Variants in ABHD2 observed in about 807,000 individuals in gnomAD.
The protein encoded by ABHD2 is abhydrolase domain containing 2, acylglycerol lipase, also known as monoacylglycerol lipase ABHD2.
A neutral mutation model predicts 48.1 loss-of-function variants in ABHD2; 20 were observed. The observed-to-expected ratio is 0.42, with a 90% CI of 0.29 to 0.60. The LOEUF (loss-of-function observed/expected upper bound fraction) is 0.60. Among genes scored for constraint, ABHD2 ranks in the 20% least tolerant of loss-of-function variants. ABHD2 has a pLI of 0.24. For synonymous variants in ABHD2, 209 were observed against 214.2 expected (o/e 0.98, Z 0.21); for missense variants, 405 against 550.9 (o/e 0.74, Z 2.65).
At chr15:89,055,405 C>T in the ABHD2 span, among the ~76,000 whole-genome samples, 1 of 149,376 alleles carries the variant, frequency 6.7e-6, no homozygotes, top group Non-Finnish European at 1.5e-5. Flanking sequence ...CATCTCACTG[C>T]AACCTCTGCC....
Position 89,100,628 on chromosome 15 carries a change from C to T in ABHD2, c.-107+12065C>T, listed in dbSNP as rs572315740. Among the ~76,000 whole-genome samples, 6 of 152,160 alleles carry T rather than the reference C, an allele frequency of 3.9e-5. No homozygotes were observed. In the East Asian group the frequency reaches 7.7e-4, roughly 20 times the overall value. On this transcript the variant is annotated intron_variant, in intron 1 of 10. Transcript: ENST00000352732. The surrounding 1 kb of genome is among the most constrained non-coding windows in gnomAD (Gnocchi z 4.4). ...CTCACGCCTGTAATCCCAGCACTTT[C>T]GGAGGCTGAGGTGGGTGGATCACGA...
chr15:89,172,682 TTATGTA>T (rs1251533326), intron 5 of ABHD2, among the ~76,000 whole-genome samples: 1 of 152,218 alleles, frequency 6.6e-6, no homozygotes, highest in Non-Finnish European at 1.5e-5. Flanking sequence ...TCTAAGCTGT[TTATGTA>T]TATCACTTTA....
At chr15:89,096,037 A>G (rs1268929561) in intron 1 of ABHD2, among the ~76,000 whole-genome samples, 1 of 152,244 alleles carries the variant, frequency 6.6e-6, no homozygotes, top group East Asian at 1.9e-4. Flanking sequence ...AAGTCAAATG[A>G]TACCACACAG....
intron 5 of ABHD2, among the ~76,000 whole-genome samples, chr15:89,162,512 C>T (rs1283851629): frequency 1.3e-5 from 2 of 152,146 alleles, no homozygotes; most frequent in East Asian, 3.9e-4. Flanking sequence ...TATTCCCACC[C>T]TGAGTGTATG....
intron 4 of ABHD2, among the ~76,000 whole-genome samples, chr15:89,154,166 A>G (rs1321190285): frequency 6.6e-6 from 1 of 152,202 alleles, no homozygotes; most frequent in Non-Finnish European, 1.5e-5. Flanking sequence ...TGTGATCTAC[A>G]GCCTTGAACT....
upstream of ABHD2, among the ~76,000 whole-genome samples, chr15:89,084,642 A>T (rs1160670889): frequency 6.6e-6 from 1 of 152,196 alleles, no homozygotes; most frequent in Non-Finnish European, 1.5e-5. The surrounding 1 kb of genome is among the most constrained non-coding windows in gnomAD (Gnocchi z 4.4). Flanking sequence ...ATTTTCTAAA[A>T]ATCCTGAATC....
At position 89,195,663 on chromosome 15, in the gene ABHD2, A is replaced by G. The variant is rs138896117; in HGVS notation, c.*240A>G. The stretch of plus-strand genomic sequence containing the variant: ...TGTTAGGCATGGTGACAAGTGACAG[A>G]GTTCTTGCCCTCTGTCCAGTTTCAG... On this transcript the variant is annotated 3_prime_UTR_variant, in exon 11 of 11. Coordinates refer to ENST00000352732, the MANE Select transcript of ABHD2 (RefSeq NM_152924.5). This position sits in a 1 kb window ranked among gnomAD's most constrained non-coding sequence, Gnocchi z 5.1. 1.9e-3 allele frequency: 866 copies of G among 463,470 alleles called. 1 individual carries two copies. The highest frequency in any genetic ancestry group is 1.9e-3 in the Non-Finnish European group (498 of 260,730). The allele number at this position is 463,470 out of a possible 1,614,324, so 28.7% of individuals were successfully genotyped here. A position where few individuals can be genotyped will look rare whatever the true frequency, so the allele number is the denominator to read the frequency against.
intron 3 of ABHD2, among the ~76,000 whole-genome samples, chr15:89,133,993 C>T (rs763728564): frequency 5.9e-5 from 9 of 151,926 alleles, no homozygotes; most frequent in South Asian, 2.1e-4. Flanking sequence ...CCTGCCACCA[C>T]GACCGGCTAA....
chr15:89,127,706 C>CATATATATAT lies in ABHD2; in HGVS notation c.194+11189_194+11198dup, dbSNP rs71464446. The stretch of plus-strand genomic sequence containing the variant: ...TCTTCTCAGTGAATATATATATATA[C>CATATATATAT]ATATATATATATACACATATATATA... On this transcript the variant is annotated intron_variant, in intron 3 of 10. Coordinates refer to ENST00000352732, the MANE Select transcript of ABHD2 (RefSeq NM_152924.5). 5.0e-3 allele frequency among the ~76,000 whole-genome samples: 652 copies of CATATATATAT among 129,712 alleles called. 45 individuals carry two copies. Among genetic ancestry groups the CATATATATAT allele is most frequent in the African/African-American group, 0.021 (592 of 27,768 alleles). The allele number at this position is 129,712 out of a possible 152,430, so 85.1% of individuals were successfully genotyped here.
At chr15:89,169,271 C>T (rs1051393645) in intron 5 of ABHD2, among the ~76,000 whole-genome samples, 3 of 152,112 alleles carry the variant, frequency 2.0e-5, no homozygotes, top group African/African-American at 7.2e-5. Context: ...TGAGTAGACA[C>T]GGTCATGAGT....
At chr15:89,081,422 G>C in the ABHD2 span, among the ~76,000 whole-genome samples, 1 of 151,620 alleles carries the variant, frequency 6.6e-6, no homozygotes, top group Non-Finnish European at 1.5e-5. Flanking sequence ...TCCCCCTTTT[G>C]GCCATTATGA....
rs1234736581 is a variant in ABHD2 at position 89,201,454 on chromosome 15, G to C, written c.*6031G>C. 2.8e-6 allele frequency: 4 copies of C among 1,416,286 alleles called. No individual in the cohort carries two copies. The highest frequency in any genetic ancestry group is 1.4e-5 in the African/African-American group (1 of 70,360). The allele number at this position is 1,416,286 out of a possible 1,614,324, so 87.7% of individuals were successfully genotyped here. Reference sequence around the variant, plus strand: ...CCATTTGGAATCCATTAATTCATGAGGTTTTGCCTCATTCCACACAGCTTC... The same window carrying C: ...CCATTTGGAATCCATTAATTCATGACGTTTTGCCTCATTCCACACAGCTTC... On this transcript the variant is annotated 3_prime_UTR_variant, in exon 11 of 11. Coordinates refer to ENST00000352732, the MANE Select transcript of ABHD2 (RefSeq NM_152924.5).
chr15:89,189,420 A>G lies in ABHD2; in HGVS notation c.926+1117A>G, dbSNP rs773122047. ...AGACAGGAGGATCACTTGAGCTCAT[A>G]AGTTTGAGATTACAGTGAGCTATGG... On this transcript the variant is annotated intron_variant, in intron 8 of 10. Transcript: ENST00000352732. This position sits in a 1 kb window ranked among gnomAD's most constrained non-coding sequence, Gnocchi z 4.9. 1.3e-5 allele frequency among the ~76,000 whole-genome samples: 2 copies of G among 152,006 alleles called. No homozygotes were observed. The highest frequency in any genetic ancestry group is 2.4e-5 in the African/African-American group (1 of 41,372).
intron 1 of ABHD2, among the ~76,000 whole-genome samples, chr15:89,099,209 G>C (rs1009675419): frequency 5.3e-5 from 8 of 152,226 alleles, no homozygotes; most frequent in African/African-American, 1.4e-4. Context: ...AGGAGTAAAT[G>C]AGGTAATGTA....
chr15:89,124,096 C>T (rs2050096041), intron 3 of ABHD2, among the ~76,000 whole-genome samples: 1 of 152,134 alleles, frequency 6.6e-6, no homozygotes, highest in Non-Finnish European at 1.5e-5. Flanking sequence ...GCAAAATATG[C>T]TATTTTTGTC....
At chr15:89,109,457 G>A (rs867832432) in intron 1 of ABHD2, among the ~76,000 whole-genome samples, 4 of 152,166 alleles carry the variant, frequency 2.6e-5, no homozygotes, top group Admixed American at 6.6e-5. Context: ...TGAAGGTGGA[G>A]CTGGGTTTGG....
the ABHD2 span, among the ~76,000 whole-genome samples, chr15:89,048,782 T>G: frequency 3.3e-5 from 5 of 152,194 alleles, no homozygotes; most frequent in East Asian, 9.7e-4. Context: ...TATTAGTTAT[T>G]CTAGTTATAC....
the ABHD2 span, among the ~76,000 whole-genome samples, chr15:89,055,686 C>T: frequency 6.6e-6 from 1 of 151,822 alleles, no homozygotes; most frequent in Non-Finnish European, 1.5e-5. Context: ...CTAGAAACAC[C>T]CTGGATGTCT....
the ABHD2 span, among the ~76,000 whole-genome samples, chr15:89,047,944 T>G: frequency 6.7e-6 from 1 of 148,462 alleles, no homozygotes; most frequent in African/African-American, 2.5e-5. Context: ...GTCATTATGA[T>G]GTTAGCTGGT....
Sources: allele counts gnomAD v4.1 joint callset (sites outside exome capture counted in the v4.1 genomes callset), GRCh38; gene constraint gnomAD v4.1.1; non-coding constraint Gnocchi (gnomAD v3.1); transcripts MANE v1.5; gene names NCBI Gene and HGNC (gene_info 2026-07-23, HGNC 2026-07-21).